The following MBTPS1 variants were observed in gnomAD, a reference collection of about 807,000 sequenced individuals.
MBTPS1 encodes membrane-bound transcription factor site-1 protease.
Under a neutral mutation model 127.8 loss-of-function variants are expected in MBTPS1, and 94 were observed. The ratio of observed to expected loss-of-function variants is 0.74; its 90% CI spans 0.62 to 0.87. The LOEUF (loss-of-function observed/expected upper bound fraction) is 0.87. Among genes scored for constraint, MBTPS1 ranks in the 40% least tolerant of loss-of-function variants. MBTPS1 has a pLI of 0.00. For synonymous variants in MBTPS1, 632 were observed against 509.4 expected (o/e 1.24, Z -3.24); for missense variants, 1,636 against 1,353.2 (o/e 1.21, Z -3.28).
intron 22 of MBTPS1, among the ~76,000 whole-genome samples, chr16:84,055,593 G>T (rs544920362): frequency 6.6e-6 from 1 of 152,302 alleles, no homozygotes; most frequent in South Asian, 2.1e-4. Flanking sequence ...GAACTGAAGG[G>T]GCCTTCTGGG....
At chr16:84,097,361 G>A (rs575332420) in intron 3 of MBTPS1, among the ~76,000 whole-genome samples, 2 of 152,352 alleles carry the variant, frequency 1.3e-5, no homozygotes, top group South Asian at 2.1e-4. Context: ...CCACGAGGTA[G>A]GGAGTATCAT....
intron 10 of MBTPS1, among the ~76,000 whole-genome samples, chr16:84,084,429 A>T (rs903179541): frequency 6.6e-6 from 1 of 152,244 alleles, no homozygotes; most frequent in Non-Finnish European, 1.5e-5. Flanking sequence ...CCCCTTCACA[A>T]AAACAACAAA....
At chr16:84,101,533 C>A (rs1327196549) in intron 2 of MBTPS1, 88 bp downstream of exon 2, 48 of 1,085,328 alleles carry the variant, frequency 4.4e-5, no homozygotes, top group South Asian at 1.8e-4. Flanking sequence ...AAAAGAGGAA[C>A]ATGTTATTCA....
At chr16:84,090,324 G>A (rs1343605408) in intron 8 of MBTPS1, among the ~76,000 whole-genome samples, 3 of 151,494 alleles carry the variant, frequency 2.0e-5, no homozygotes, top group East Asian at 3.9e-4. Context: ...TAGCACAAAG[G>A]CCCCCCTGTG....
At chr16:84,094,834 T>A (rs1226364792) in intron 4 of MBTPS1, among the ~76,000 whole-genome samples, 1 of 152,092 alleles carries the variant, frequency 6.6e-6, no homozygotes, top group African/African-American at 2.4e-5. Flanking sequence ...AGTTGAAGTA[T>A]CTCAGATATT....
At chr16:84,055,738 AAGT>A (rs2151137875) in intron 22 of MBTPS1, among the ~76,000 whole-genome samples, 1 of 152,374 alleles carries the variant, frequency 6.6e-6, no homozygotes, top group East Asian at 1.9e-4. Flanking sequence ...GAACATGTTT[AAGT>A]AGATCACCCA....
chr16:84,063,696 T>C (rs1339963509), intron 18 of MBTPS1, among the ~76,000 whole-genome samples: 1 of 152,220 alleles, frequency 6.6e-6, no homozygotes, highest in Non-Finnish European at 1.5e-5. Context: ...CTTTCATTTT[T>C]ACTTGCCATG....
intron 4 of MBTPS1, among the ~76,000 whole-genome samples, chr16:84,095,262 G>C (rs2086163142): frequency 1.3e-5 from 2 of 152,228 alleles, no homozygotes; most frequent in Admixed American, 6.5e-5. Context: ...CCAGTGGCCG[G>C]CAGCGCTGTG....
chr16:84,082,816 C>T lies in MBTPS1; in HGVS notation c.1287-908G>A, dbSNP rs139617563. Among the ~76,000 whole-genome samples the T allele has an allele frequency of 2.0e-4, 31 of 152,302 alleles. No homozygotes were observed. In the East Asian group the frequency reaches 5.8e-3, roughly 28 times the overall value. On this transcript the variant is annotated intron_variant, in intron 10 of 22. Transcript: ENST00000343411. ...CTCAAAGCTATGGGTCAACAATCTT[C>T]CTCCTCTTCCTGCCTATAAAGTGAA... is the stretch of plus-strand genomic sequence containing the variant.
intron 5 of MBTPS1, 115 bp from the exon 6 acceptor site, chr16:84,093,412 G>A (rs2086137133): frequency 4.0e-6 from 3 of 743,002 alleles, no homozygotes; most frequent in Non-Finnish European, 7.0e-6. Flanking sequence ...GGATAGAGGA[G>A]GGCCTCTGCT....
At chr16:84,070,482 C>G in intron 13 of MBTPS1, 106 bp downstream of exon 13, 1 of 1,143,406 alleles carries the variant, frequency 8.7e-7, no homozygotes, top group East Asian at 2.4e-5. Context: ...ATAAGCCTAT[C>G]TGTCAACTGT....
chr16:84,065,646 C>G (rs577572669), intron 18 of MBTPS1, 44 bp downstream of exon 18: 1 of 1,258,916 alleles, frequency 7.9e-7, no homozygotes, highest in Non-Finnish European at 1.2e-6. Context: ...GAAAAGGGAG[C>G]GAGAGAAAGA....
intron 17 of MBTPS1, among the ~76,000 whole-genome samples, 182 bp downstream of exon 17, chr16:84,066,306 TA>T (rs3837758): frequency 0.068 from 10,316 of 152,220 alleles, 467 homozygotes; most frequent in East Asian, 0.23. Context: ...TATTTTCATT[TA>T]AAAAAAATCT....
chr16:84,113,447 C>A (rs1009183307), intron 1 of MBTPS1, among the ~76,000 whole-genome samples: 1 of 152,192 alleles, frequency 6.6e-6, no homozygotes, highest in African/African-American at 2.4e-5. Context: ...GAAAAAGACA[C>A]CGTTCAAATT....
chr16:84,089,970 T>C (rs2086081099), intron 8 of MBTPS1, among the ~76,000 whole-genome samples: 1 of 152,212 alleles, frequency 6.6e-6, no homozygotes, highest in African/African-American at 2.4e-5. Flanking sequence ...CTTACATCTA[T>C]GGCTCATGAT....
chr16:84,074,859 C>T (rs757678334), intron 11 of MBTPS1, 118 bp from the exon 12 acceptor site: 6 of 909,646 alleles, frequency 6.6e-6, no homozygotes, highest in East Asian at 5.4e-5. Context: ...TTGCTTACAG[C>T]GCTGCCCTAG....
At chr16:84,083,287 A>G (rs1351435974) in intron 10 of MBTPS1, among the ~76,000 whole-genome samples, 4 of 152,168 alleles carry the variant, frequency 2.6e-5, no homozygotes, top group Admixed American at 6.5e-5. Context: ...TCTGTTCCTC[A>G]CTTGATATAA....
In MBTPS1 at chr16:84,102,126, T is replaced by G. The variant is rs926431116; in HGVS notation, c.-324-19A>C. 5.4e-6 allele frequency: 1 copy of G among 184,500 alleles called. No homozygotes were observed. The highest frequency in any genetic ancestry group is 1.1e-5 in the Non-Finnish European group (1 of 88,372). The allele number at this position is 184,500 out of a possible 1,614,324, so 11.4% of individuals were successfully genotyped here. A position where few individuals can be genotyped will look rare whatever the true frequency, so the allele number is the denominator to read the frequency against. ...AGCCAATCTATGAAACAAAAAACAGTGCACACAGACATTAGTAGCAAACTG... is the reference window on the plus strand; with the variant it reads ...AGCCAATCTATGAAACAAAAAACAGGGCACACAGACATTAGTAGCAAACTG... On this transcript the variant is annotated intron_variant, in intron 1 of 22. Coordinates refer to ENST00000343411, the MANE Select transcript of MBTPS1 (RefSeq NM_003791.4).
At chr16:84,085,717 A>G (rs1421867038) in intron 9 of MBTPS1, among the ~76,000 whole-genome samples, 1 of 152,226 alleles carries the variant, frequency 6.6e-6, no homozygotes, top group African/African-American at 2.4e-5. Flanking sequence ...CAATTAAAAG[A>G]TAAGTATTTT....
Sources: gnomAD v4.1 joint callset for allele counts (sites outside exome capture counted in the v4.1 genomes callset) on GRCh38, gnomAD v4.1.1 for gene constraint, MANE v1.5 for transcripts, NCBI Gene and HGNC (gene_info 2026-07-23, HGNC 2026-07-21) for gene names.